The following SLC12A1 variants were observed in gnomAD, a reference collection of about 807,000 sequenced individuals.
SLC12A1 encodes the protein solute carrier family 12 member 1, also known as Na-K-2Cl cotransporter.
In SLC12A1, 89 loss-of-function variants were observed where a neutral mutation model predicts 130.4. The ratio of observed to expected loss-of-function variants is 0.68; its 90% CI spans 0.58 to 0.81. SLC12A1 has a LOEUF of 0.81. Among genes scored for constraint, SLC12A1 ranks in the 40% least tolerant of loss-of-function variants. SLC12A1 has a pLI of 0.00. For missense variants in SLC12A1, 1,310 were observed against 1,336.4 expected (o/e 0.98, Z 0.31); for synonymous variants, 499 against 460.0 (o/e 1.08, Z -1.09).
chr15:48,245,209 T>C (rs1300359006), intron 11 of SLC12A1, among the ~76,000 whole-genome samples: 1 of 152,242 alleles, frequency 6.6e-6, no homozygotes. Flanking sequence ...GGAACCTAGA[T>C]TAGTTAGCAC....
rs201301893 is a variant in SLC12A1 at position 48,269,023 on chromosome 15, A to C, written c.2296-635A>C. ...AGTACAGGAGAACCATGGCAAAAGG[A>C]CAAGACATAGCACTATGCAATTCAT... On this transcript the variant is annotated intron_variant, in intron 18 of 26. Coordinates refer to ENST00000380993, the MANE Select transcript of SLC12A1 (RefSeq NM_000338.3). 2.6e-5 allele frequency among the ~76,000 whole-genome samples: 4 copies of C among 152,344 alleles called. No individual in the cohort carries two copies. In the East Asian group the frequency reaches 7.7e-4, roughly 29 times the overall value.
chr15:48,226,110 C>T (rs891807834), intron 4 of SLC12A1: 4 of 198,726 alleles, frequency 2.0e-5, no homozygotes, highest in Middle Eastern at 1.9e-3. Context: ...AGGATTTAAC[C>T]TTTGTCAAAC....
At chr15:48,251,393 G>A (rs926246410) in intron 14 of SLC12A1, among the ~76,000 whole-genome samples, 1 of 152,024 alleles carries the variant, frequency 6.6e-6, no homozygotes, top group Middle Eastern at 3.4e-3. Flanking sequence ...TTTTTCAGAT[G>A]CTTAACATTT....
At chr15:48,287,734 A>C (rs781501834) in intron 21 of SLC12A1, among the ~76,000 whole-genome samples, 7 of 152,218 alleles carry the variant, frequency 4.6e-5, no homozygotes, top group Non-Finnish European at 7.3e-5. Context: ...TGCATGCCTA[A>C]ATAATAACTC....
chr15:48,233,860 G>A (rs910964689), intron 8 of SLC12A1, among the ~76,000 whole-genome samples: 3 of 151,304 alleles, frequency 2.0e-5, no homozygotes, highest in Non-Finnish European at 4.4e-5. Context: ...TTTCATCCCA[G>A]ATTCTTTTGT....
intron 12 of SLC12A1, 41 bp from the exon 13 acceptor site, chr15:48,247,296 A>C (rs751726596): frequency 1.9e-6 from 3 of 1,586,922 alleles, no homozygotes; most frequent in Non-Finnish European, 2.6e-6. Flanking sequence ...ATGACTGTGC[A>C]TAGCTATAAA....
intron 20 of SLC12A1, among the ~76,000 whole-genome samples, chr15:48,278,740 T>C (rs2041981549): frequency 6.6e-6 from 1 of 152,220 alleles, no homozygotes. Flanking sequence ...ATGCAAAATA[T>C]AACTTGTATT....
intron 13 of SLC12A1, among the ~76,000 whole-genome samples, chr15:48,248,115 G>A (rs1226994317): frequency 6.6e-5 from 10 of 152,166 alleles, no homozygotes; most frequent in Non-Finnish European, 1.3e-4. Context: ...TTTTGCTGAT[G>A]AGCATATCAG....
At chr15:48,234,617 G>A (rs1379295546) in intron 8 of SLC12A1, among the ~76,000 whole-genome samples, 6 of 152,096 alleles carry the variant, frequency 3.9e-5, no homozygotes, top group South Asian at 2.1e-4. Context: ...GGTGGCGGGC[G>A]CCTGTAATCC....
At chr15:48,230,311 T>C (rs2041357084) in intron 6 of SLC12A1, 82 bp from the exon 7 acceptor site, 21 of 787,206 alleles carry the variant, frequency 2.7e-5, no homozygotes, top group Middle Eastern at 4.5e-4. Context: ...TTGTATAGTA[T>C]CTCTTTTTAC....
chr15:48,269,991 A>G (rs112702395), intron 19 of SLC12A1, among the ~76,000 whole-genome samples: 35 of 152,244 alleles, frequency 2.3e-4, no homozygotes, highest in African/African-American at 8.2e-4. Flanking sequence ...CCCGTGTCAG[A>G]GAAAAAAGTA....
chr15:48,238,147 T>C (rs551317226), intron 9 of SLC12A1, among the ~76,000 whole-genome samples: 1 of 152,250 alleles, frequency 6.6e-6, no homozygotes, highest in Admixed American at 6.5e-5. Context: ...CCTTCTGATA[T>C]TCTCACATCA....
At chr15:48,266,180 C>T (rs1208600255) in intron 17 of SLC12A1, among the ~76,000 whole-genome samples, 4 of 152,162 alleles carry the variant, frequency 2.6e-5, no homozygotes, top group African/African-American at 9.7e-5. Flanking sequence ...GGACAAATGG[C>T]AGACCCAGGG....
At chr15:48,230,004 C>T (rs2041350733) in intron 6 of SLC12A1, among the ~76,000 whole-genome samples, 1 of 152,208 alleles carries the variant, frequency 6.6e-6, no homozygotes, top group Admixed American at 6.5e-5. Context: ...TTACATAGGA[C>T]ACCACTTAAC....
At chr15:48,220,150 G>GATAGAT (rs2041189387) in intron 2 of SLC12A1, among the ~76,000 whole-genome samples, 1 of 148,574 alleles carries the variant, frequency 6.7e-6, no homozygotes, top group South Asian at 2.2e-4. Flanking sequence ...TAGATAGATA[G>GATAGAT]ATAGATAGAT....
intron 14 of SLC12A1, among the ~76,000 whole-genome samples, chr15:48,251,275 C>T (rs1390702921): frequency 6.6e-6 from 1 of 151,758 alleles, no homozygotes; most frequent in Non-Finnish European, 1.5e-5. Flanking sequence ...TCTTTCCATT[C>T]CTCCTGCCTC....
chr15:48,267,086 T>G (rs1044849839), intron 17 of SLC12A1, among the ~76,000 whole-genome samples: 5 of 152,176 alleles, frequency 3.3e-5, no homozygotes, highest in African/African-American at 1.2e-4. Context: ...CAAATAGAAT[T>G]GACAAGATGT....
chr15:48,277,340 A>G lies in SLC12A1; in HGVS notation c.2485+2687A>G, dbSNP rs548100551. ...AAAAATTTTTAAAAATTAAAAAAAA[A>G]CCACTTCATCTAAAATTGGAGCAAA... is the stretch of plus-strand genomic sequence containing the variant. On this transcript the variant is annotated intron_variant, in intron 20 of 26. Coordinates refer to ENST00000380993, the MANE Select transcript of SLC12A1 (RefSeq NM_000338.3). 1.5e-4 allele frequency among the ~76,000 whole-genome samples: 23 copies of G among 152,210 alleles called. 1 individual carries two copies. The South Asian group carries it at 1.7e-3, about 11-fold the overall frequency.
At chr15:48,273,096 C>A (rs1356873180) in intron 19 of SLC12A1, among the ~76,000 whole-genome samples, 3 of 113,734 alleles carry the variant, frequency 2.6e-5, no homozygotes, top group Non-Finnish European at 5.1e-5. Flanking sequence ...CAGAGTCAGA[C>A]TGTCAAAAAA....
Sources: allele counts gnomAD v4.1 joint callset (sites outside exome capture counted in the v4.1 genomes callset), GRCh38; gene constraint gnomAD v4.1.1; transcripts MANE v1.5; gene names NCBI Gene and HGNC (gene_info 2026-07-23, HGNC 2026-07-21).